NDST3: variants seen among roughly 807,000 people sequenced by gnomAD.
NDST3 encodes N-deacetylase and N-sulfotransferase 3.
NDST3 carries 58 observed loss-of-function variants against 96.1 expected under a neutral mutation model. That is an observed-to-expected ratio of 0.60 (90% CI 0.49 to 0.75). NDST3 has a LOEUF of 0.75. Ranked by LOEUF, NDST3 falls within the 30% of genes least tolerant of loss-of-function variation. NDST3 has a pLI of 0.00. For missense variants in NDST3, 788 were observed against 1,034.2 expected (o/e 0.76, Z 3.27); for synonymous variants, 333 against 359.7 (o/e 0.93, Z 0.84).
intron 2 of NDST3, among the ~76,000 whole-genome samples, chr4:118,067,036 GAGAA>G (rs764431843): frequency 2.5e-4 from 37 of 148,242 alleles, no homozygotes; most frequent in Non-Finnish European, 4.0e-4. Flanking sequence ...TGAGTTCACA[GAGAA>G]AGACAACTTA....
chr4:118,043,657 C>G (rs1276190534), intron 1 of NDST3, among the ~76,000 whole-genome samples: 2 of 152,178 alleles, frequency 1.3e-5, no homozygotes, highest in Admixed American at 6.5e-5. Context: ...GCTACGGTGC[C>G]ACCTTCCACA....
At chr4:118,216,060 T>C (rs1219250522) in intron 6 of NDST3, among the ~76,000 whole-genome samples, 1 of 152,184 alleles carries the variant, frequency 6.6e-6, no homozygotes, top group Non-Finnish European at 1.5e-5. Context: ...TATTGTGTGT[T>C]TGTTCTCTAA....
At chr4:118,065,906 A>G (rs978669712) in intron 2 of NDST3, among the ~76,000 whole-genome samples, 1 of 148,702 alleles carries the variant, frequency 6.7e-6, no homozygotes, top group African/African-American at 2.5e-5. Flanking sequence ...TCTTGTCTCT[A>G]TTTTCTTCTC....
At chr4:118,132,830 C>A (rs1373486492) in intron 4 of NDST3, among the ~76,000 whole-genome samples, 3 of 152,094 alleles carry the variant, frequency 2.0e-5, no homozygotes. Flanking sequence ...TCCCTTTTGT[C>A]CTAGAGTATG....
At chr4:118,170,845 T>A (rs113367045) in intron 6 of NDST3, among the ~76,000 whole-genome samples, 1 of 152,206 alleles carries the variant, frequency 6.6e-6, no homozygotes, top group Non-Finnish European at 1.5e-5. Context: ...ATTTAGGATA[T>A]TTTTCTCAAT....
Position 118,054,786 on chromosome 4 carries a change from A to C in NDST3, c.876A>C (p.Leu292Phe). Reference sequence around the variant, plus strand: ...TCTTCATAGATGCCATCTCCTTCTTATCAGGGAAGAGGCTGACATTGTCCT... The same window carrying C: ...TCTTCATAGATGCCATCTCCTTCTTCTCAGGGAAGAGGCTGACATTGTCCT... Reference protein sequence around the residue: ...KLIFIDAISFLSGKRLTLSLD... With the variant: ...KLIFIDAISFFSGKRLTLSLD... The change falls in exon 2 of 14, where the codon TTA becomes TTC. Residue 292 changes from leucine (L) to phenylalanine (F), a missense_variant. Leu to Phe is a conservative substitution (Grantham distance 22). Around this residue, in one of 3 missense-constraint regions of NDST3, gnomAD observed 490 missense variants for 708.8 expected, o/e 0.69. Coordinates refer to ENST00000296499, the MANE Select transcript of NDST3 (RefSeq NM_004784.3). 1 of 1,613,304 alleles carries C rather than the reference A, an allele frequency of 6.2e-7. No individual in the cohort carries two copies. Among genetic ancestry groups the C allele is most frequent in the South Asian group, 1.1e-5 (1 of 91,066 alleles).
intron 6 of NDST3, among the ~76,000 whole-genome samples, chr4:118,151,172 G>T (rs1734367132): frequency 6.6e-6 from 1 of 152,108 alleles, no homozygotes; most frequent in Admixed American, 6.5e-5. Context: ...TCACTCATAG[G>T]TGGGAACTGA....
At chr4:118,070,798 T>TC (rs1054237476) in intron 2 of NDST3, among the ~76,000 whole-genome samples, 11 of 151,586 alleles carry the variant, frequency 7.3e-5, no homozygotes, top group Admixed American at 3.9e-4. Context: ...CCCTCCCCAC[T>TC]CCCCCCACCT....
rs186611222 is a variant in NDST3, at chr4:118,079,945, G to T, written c.981+25054G>T. On this transcript the variant is annotated intron_variant, in intron 2 of 13. Coordinates refer to ENST00000296499, the MANE Select transcript of NDST3 (RefSeq NM_004784.3). Reference sequence around the variant, plus strand: ...AATCAAGGATACCTCCTAGGATTTTGGCCTGACAGCAGTGTGTTCCTCCAG... The same window carrying T: ...AATCAAGGATACCTCCTAGGATTTTTGCCTGACAGCAGTGTGTTCCTCCAG... Among the ~76,000 whole-genome samples, 26 of 152,218 alleles carry T rather than the reference G, an allele frequency of 1.7e-4. No homozygotes were observed. The East Asian group carries it at 3.7e-3, about 22-fold the overall frequency.
At chr4:118,155,884 C>T (rs1280439824) in intron 6 of NDST3, among the ~76,000 whole-genome samples, 4 of 152,104 alleles carry the variant, frequency 2.6e-5, no homozygotes, top group African/African-American at 9.7e-5. Context: ...TGGATATTAT[C>T]TTAAAATGTA....
intron 6 of NDST3, among the ~76,000 whole-genome samples, chr4:118,166,210 T>A (rs1184670416): frequency 6.6e-6 from 1 of 151,452 alleles, no homozygotes; most frequent in African/African-American, 2.4e-5. Context: ...AAATTGGAAA[T>A]GAAAGAGAAG....
intron 6 of NDST3, among the ~76,000 whole-genome samples, chr4:118,150,914 A>G (rs1447816034): frequency 1.3e-5 from 2 of 151,846 alleles, no homozygotes; most frequent in African/African-American, 4.9e-5. Context: ...TATAAATCAT[A>G]CTGCTATAAA....
intron 9 of NDST3, among the ~76,000 whole-genome samples, chr4:118,235,052 G>GGAAGGAAGGAAA (rs1364668534): frequency 2.0e-5 from 3 of 147,718 alleles, no homozygotes; most frequent in South Asian, 4.5e-4. Flanking sequence ...AAAAAAGGAA[G>GGAAGGAAGGAAA]GAAGGAAGGA....
intron 6 of NDST3, among the ~76,000 whole-genome samples, chr4:118,218,881 C>A (rs1739362609): frequency 6.6e-6 from 1 of 152,080 alleles, no homozygotes; most frequent in African/African-American, 2.4e-5. Context: ...AAATCAGAAG[C>A]AATCCTATAC....
At chr4:118,109,170 T>C (rs1455219214) in intron 3 of NDST3, among the ~76,000 whole-genome samples, 1 of 152,192 alleles carries the variant, frequency 6.6e-6, no homozygotes, top group Non-Finnish European at 1.5e-5. Flanking sequence ...CCACAACCTC[T>C]TCCTAAACTT....
At chr4:118,049,804 T>C (rs1304840876) in intron 1 of NDST3, among the ~76,000 whole-genome samples, 2 of 150,672 alleles carry the variant, frequency 1.3e-5, no homozygotes, top group East Asian at 3.9e-4. Flanking sequence ...GTACCAGACA[T>C]ACTAAAATGA....
At chr4:118,242,539 AT>A (rs1409853892) in intron 12 of NDST3, among the ~76,000 whole-genome samples, 1 of 152,194 alleles carries the variant, frequency 6.6e-6, no homozygotes, top group Non-Finnish European at 1.5e-5. Flanking sequence ...CTCTTCTCTC[AT>A]TTGTGTAATT....
intron 6 of NDST3, among the ~76,000 whole-genome samples, chr4:118,150,259 T>C (rs960511300): frequency 1.4e-4 from 22 of 152,204 alleles, no homozygotes; most frequent in Admixed American, 9.8e-4. Flanking sequence ...ATCAGCATGA[T>C]GCTGGCCTCA....
rs545975131 is a variant in NDST3 at position 118,161,228 on chromosome 4, G to A, written c.1539+17544G>A. Among the ~76,000 whole-genome samples, 62 of 152,258 alleles carry A rather than the reference G, an allele frequency of 4.1e-4. 1 individual carries two copies. In the South Asian group the frequency reaches 0.012, roughly 30 times the overall value. ...ATGCTGCTGTCTGATCATTCCTCTG[G>A]AAGCTTTGTCTCAGAGGAGTACCCG... On this transcript the variant is annotated intron_variant, in intron 6 of 13. Transcript: ENST00000296499.
Sources: gnomAD v4.1 joint callset for allele counts (sites outside exome capture counted in the v4.1 genomes callset) on GRCh38, gnomAD v4.1.1 for gene constraint, gnomAD v4.1.1 regional missense constraint, MANE v1.5 for transcripts, NCBI Gene and HGNC (gene_info 2026-07-23, HGNC 2026-07-21) for gene names.